The following VPS37A variants were observed in gnomAD, a reference collection of about 807,000 sequenced individuals.
VPS37A encodes the protein vacuolar protein sorting-associated protein 37A.
A neutral mutation model predicts 49.8 loss-of-function variants in VPS37A; 30 were observed. The observed-to-expected ratio is 0.60, with a 90% CI of 0.45 to 0.82. The LOEUF is 0.82. Among genes scored for constraint, VPS37A ranks in the 40% least tolerant of loss-of-function variants. The pLI is 0.00. For missense variants in VPS37A, 593 were observed against 464.4 expected (o/e 1.28, Z -2.55); for synonymous variants, 195 against 160.6 (o/e 1.21, Z -1.62).
the VPS37A span, among the ~76,000 whole-genome samples, chr8:17,312,067 C>A: frequency 0.7 from 107,104 of 152,036 alleles, 38,643 homozygotes; most frequent in African/African-American, 0.86. Flanking sequence ...AAAAGGTAAG[C>A]GTCAAGTAAT....
At chr8:17,331,591 T>A in the VPS37A span, among the ~76,000 whole-genome samples, 1 of 152,220 alleles carries the variant, frequency 6.6e-6, no homozygotes, top group South Asian at 2.1e-4. Flanking sequence ...GAATGTGGAA[T>A]TCTGTGATGG....
intron 7 of VPS37A, 33 bp from the exon 8 acceptor site, chr8:17,280,206 T>A (rs201026976): frequency 4.8e-5 from 78 of 1,611,334 alleles, no homozygotes; most frequent in Non-Finnish European, 6.4e-5. Flanking sequence ...ATCTCATCTT[T>A]ACCTAGAAGT....
chr8:17,311,470 C>A, the VPS37A span: 1 of 1,613,064 alleles, frequency 6.2e-7, no homozygotes, highest in Non-Finnish European at 8.5e-7. Flanking sequence ...CATTCCTGGT[C>A]AAGGCACCGC....
At chr8:17,256,322 G>A (rs1395824076) in intron 1 of VPS37A, among the ~76,000 whole-genome samples, 2 of 99,498 alleles carry the variant, frequency 2.0e-5, no homozygotes, top group Non-Finnish European at 3.5e-5. Context: ...TTTTTTTGGA[G>A]ATAGGGTCCC....
chr8:17,260,977 A>G (rs893038865), intron 1 of VPS37A, among the ~76,000 whole-genome samples: 1 of 152,126 alleles, frequency 6.6e-6, no homozygotes, highest in African/African-American at 2.4e-5. Context: ...TGTTCAGTGT[A>G]TCTGACCTTC....
At chr8:17,268,173 T>C (rs1487857302) in intron 2 of VPS37A, 85 bp from the exon 3 acceptor site, 9 of 923,584 alleles carry the variant, frequency 9.7e-6, no homozygotes, top group Non-Finnish European at 1.3e-5. Flanking sequence ...AATTTACTTT[T>C]AAATAGCTTT....
At position 17,293,503 on chromosome 8, in the gene VPS37A, C is replaced by T. The variant is rs189119632; in HGVS notation, c.*1-1484C>T. Among the ~76,000 whole-genome samples the T allele has an allele frequency of 3.9e-5, 6 of 152,120 alleles. No individual in the cohort carries two copies. In the East Asian group the frequency reaches 9.7e-4, roughly 25 times the overall value. On this transcript the variant is annotated intron_variant, in intron 11 of 11. Transcript: ENST00000324849. ...CAGTCCAGTTTTGTTCCCTTGCTGG[C>T]GAGGAGTTGTGATCCTTTGGAGGAG... is the stretch of plus-strand genomic sequence containing the variant.
At chr8:17,298,736 T>TTTAA (rs571160697), downstream of VPS37A, 29 of 152,672 alleles carry the variant, frequency 1.9e-4, no homozygotes, top group East Asian at 5.4e-3. Flanking sequence ...CCCCACTAAG[T>TTTAA]TTAATTTAGG....
At chr8:17,312,751 A>T in the VPS37A span, among the ~76,000 whole-genome samples, 18 of 152,272 alleles carry the variant, frequency 1.2e-4, no homozygotes, top group Admixed American at 1.1e-3. Flanking sequence ...GGAACATACC[A>T]TGGCATCAGG....
In VPS37A at chr8:17,286,396, C is replaced by G. The variant is rs77365144; in HGVS notation, c.1163C>G (p.Ala388Gly). The change falls in exon 11 of 12, where the codon GCA becomes GGA. Residue 388 changes from alanine (A) to glycine (G), a missense_variant. Ala to Gly is a moderately conservative substitution (Grantham distance 60). Coordinates refer to ENST00000324849, the MANE Select transcript of VPS37A (RefSeq NM_152415.3). ...AKEEKLQQAI[A>G]MHSQFHAPL ...GAAGAGAAACTTCAGCAGGCGATAG[C>G]AATGCACAGCCAATTTCATGCTCCA... 1.2e-6 allele frequency: 2 copies of G among 1,613,812 alleles called. No individual in the cohort carries two copies. Among genetic ancestry groups the G allele is most frequent in the Non-Finnish European group, 8.5e-7 (1 of 1,179,878 alleles).
intron 1 of VPS37A, among the ~76,000 whole-genome samples, chr8:17,263,492 GTTATT>G (rs1813153800): frequency 6.7e-6 from 1 of 149,952 alleles, no homozygotes; most frequent in African/African-American, 2.5e-5. Context: ...ATCACCTTCT[GTTATT>G]TGTGATACTT....
intron 11 of VPS37A, among the ~76,000 whole-genome samples, chr8:17,293,089 A>G (rs751947194): frequency 6.6e-5 from 10 of 152,158 alleles, no homozygotes; most frequent in Admixed American, 2.0e-4. Context: ...AGGTACACCA[A>G]TCAAACATAG....
At chr8:17,313,136 T>A in the VPS37A span, among the ~76,000 whole-genome samples, 106,573 of 152,224 alleles carry the variant, frequency 0.7, 38,130 homozygotes, top group African/African-American at 0.84. Flanking sequence ...CGCAAAATCA[T>A]ATCTTCAGCG....
chr8:17,262,186 G>A lies in VPS37A; in HGVS notation c.126-3721G>A, dbSNP rs1585956787. Among the ~76,000 whole-genome samples the A allele has an allele frequency of 2.0e-5, 3 of 152,170 alleles. 1 individual carries two copies. Among genetic ancestry groups the A allele is most frequent in the Admixed American group, 1.3e-4 (2 of 15,274 alleles). The stretch of plus-strand genomic sequence containing the variant: ...CTCAGAGTTTTTTCACTTCTCTGTG[G>A]CCCTGAGAAGTGACTGATCCTCATA... On this transcript the variant is annotated intron_variant, in intron 1 of 11. Coordinates refer to ENST00000324849, the MANE Select transcript of VPS37A (RefSeq NM_152415.3).
downstream of VPS37A, chr8:17,302,476 G>A: frequency 9.8e-6 from 5 of 512,520 alleles, no homozygotes; most frequent in East Asian, 3.2e-5. Flanking sequence ...TGCCTTTTGG[G>A]GAGAATAAGT....
the VPS37A span, among the ~76,000 whole-genome samples, chr8:17,329,911 T>G: frequency 6.6e-6 from 1 of 152,138 alleles, no homozygotes; most frequent in Admixed American, 6.6e-5. Context: ...GTACAGAAGA[T>G]GGAAATGGCT....
the VPS37A span, among the ~76,000 whole-genome samples, chr8:17,317,349 T>C: frequency 3.9e-5 from 6 of 152,360 alleles, no homozygotes; most frequent in East Asian, 1.2e-3. Context: ...TCGATGTTTG[T>C]AGGCCCCGGC....
At chr8:17,300,211 A>G, downstream of VPS37A, 4 of 1,602,090 alleles carry the variant, frequency 2.5e-6, no homozygotes, top group Non-Finnish European at 3.4e-6. Flanking sequence ...GACCTTTTGA[A>G]TTTTTTCCAG....
the VPS37A span, among the ~76,000 whole-genome samples, chr8:17,327,644 A>T: frequency 2.8e-5 from 2 of 72,696 alleles, no homozygotes; most frequent in African/African-American, 3.8e-4. Context: ...AACCTGGTAA[A>T]AAAAAAAACT....
Sources: gnomAD v4.1 joint callset for allele counts (sites outside exome capture counted in the v4.1 genomes callset) on GRCh38, gnomAD v4.1.1 for gene constraint, MANE v1.5 for transcripts, NCBI Gene and HGNC (gene_info 2026-07-23, HGNC 2026-07-21) for gene names.